MLLT3: variants seen among roughly 807,000 people sequenced by gnomAD.
MLLT3 encodes the protein MLLT3 super elongation complex subunit.
A neutral mutation model predicts 53.2 loss-of-function variants in MLLT3; 4 were observed. The observed-to-expected ratio is 0.08, with a 90% CI of 0.04 to 0.17. MLLT3 has a LOEUF of 0.17. Ranked by LOEUF, MLLT3 falls within the 10% of genes least tolerant of loss-of-function variation. MLLT3 has a pLI of 1.00. For synonymous variants in MLLT3, 283 were observed against 230.6 expected (o/e 1.23, Z -2.06); for missense variants, 569 against 684.0 (o/e 0.83, Z 1.87).
chr9:20,521,414 C>CA (rs748391969), intron 2 of MLLT3, among the ~76,000 whole-genome samples: 11 of 151,500 alleles, frequency 7.3e-5, no homozygotes, highest in African/African-American at 2.2e-4. Context: ...ATTTGTTCCT[C>CA]AAAAAAAGAG....
At chr9:20,371,585 G>A (rs935225589) in intron 5 of MLLT3, among the ~76,000 whole-genome samples, 13 of 152,212 alleles carry the variant, frequency 8.5e-5, no homozygotes, top group Non-Finnish European at 1.9e-4. Context: ...TCTGCCTACA[G>A]CATGGTTTAC....
chr9:20,531,104 G>A (rs1396192436), intron 2 of MLLT3, among the ~76,000 whole-genome samples: 1 of 97,688 alleles, frequency 1.0e-5, no homozygotes, highest in African/African-American at 4.1e-5. Context: ...TTGATACATT[G>A]CCCTTTTTCT....
At position 20,402,930 on chromosome 9, in the gene MLLT3, G is replaced by A. The variant is rs945532039; in HGVS notation, c.1125+10791C>T. On this transcript the variant is annotated intron_variant, in intron 5 of 10. Transcript: ENST00000380338. ...GACCAAGAGGTCACATTGGCCGTAC[G>A]CCTGACAGGCTTAAATAAGTGTGTA... Among the ~76,000 whole-genome samples, 11 of 152,308 alleles carry A rather than the reference G, an allele frequency of 7.2e-5. No individual in the cohort carries two copies. In the East Asian group the frequency reaches 2.1e-3, roughly 29 times the overall value.
chr9:20,365,550 G>A (rs1369925811), intron 6 of MLLT3, 119 bp downstream of exon 6: 11 of 1,145,086 alleles, frequency 9.6e-6, no homozygotes, highest in African/African-American at 4.7e-5. Flanking sequence ...CGGTTTCACC[G>A]TGTTAGCTAG....
chr9:20,356,597 G>T (rs1053792017), intron 8 of MLLT3, among the ~76,000 whole-genome samples: 4 of 152,068 alleles, frequency 2.6e-5, no homozygotes, highest in Non-Finnish European at 5.9e-5. Flanking sequence ...TGCTTGACTT[G>T]TGCATTACAG....
At chr9:20,570,613 C>T (rs1247520613) in intron 2 of MLLT3, among the ~76,000 whole-genome samples, 1 of 152,116 alleles carries the variant, frequency 6.6e-6, no homozygotes, top group Non-Finnish European at 1.5e-5. Context: ...GAATTGTGAA[C>T]CTTACCAATT....
intron 2 of MLLT3, among the ~76,000 whole-genome samples, chr9:20,570,675 C>A (rs1819510691): frequency 6.6e-6 from 1 of 152,112 alleles, no homozygotes; most frequent in East Asian, 1.9e-4. Context: ...TCCAAAGGTC[C>A]AACTTTTATG....
rs751916588 is a variant in MLLT3 at position 20,448,092 on chromosome 9, G to A, written c.420+31C>T. The A allele has an allele frequency of 6.3e-6, 10 of 1,577,628 alleles. No homozygotes were observed. In the African/African-American group the frequency reaches 1.2e-4, roughly 20 times the overall value. ...TTTTTGTTGTTGTTGTTTTTTAATAGGAATGCTTTTCACAAGAGAGTGCCA... is the reference window on the plus strand; with the variant it reads ...TTTTTGTTGTTGTTGTTTTTTAATAAGAATGCTTTTCACAAGAGAGTGCCA... On this transcript the variant is annotated intron_variant, in intron 4 of 10. Coordinates refer to ENST00000380338, the MANE Select transcript of MLLT3 (RefSeq NM_004529.4). This position sits in a 1 kb window ranked among gnomAD's most constrained non-coding sequence, Gnocchi z 4.0.
Position 20,350,603 on chromosome 9 carries a change from A to AAAAAAAAG in MLLT3, c.1575+2921_1575+2922insCTTTTTTT, listed in dbSNP as rs1264140530. On this transcript the variant is annotated intron_variant, in intron 10 of 10. Transcript: ENST00000380338. ...GAGCGAGACTCCGTCTCAAAAAAAG[A>AAAAAAAAG]AAGAAAGAAAAACAGGCAACCAGGT... Among the ~76,000 whole-genome samples, 3 of 151,192 alleles carry AAAAAAAAG rather than the reference A, an allele frequency of 2.0e-5. No individual in the cohort carries two copies. In the East Asian group the frequency reaches 5.9e-4, roughly 30 times the overall value.
chr9:20,534,737 T>A (rs1360242404), intron 2 of MLLT3, among the ~76,000 whole-genome samples: 1 of 151,758 alleles, frequency 6.6e-6, no homozygotes, highest in Non-Finnish European at 1.5e-5. Context: ...ATACAAAAAA[T>A]TAGCTGGGCG....
intron 7 of MLLT3, among the ~76,000 whole-genome samples, chr9:20,361,407 T>C (rs953145643): frequency 2.0e-5 from 3 of 152,170 alleles, no homozygotes; most frequent in African/African-American, 7.2e-5. Flanking sequence ...ATAAAGAATG[T>C]AGAAAACAGC....
At position 20,545,881 on chromosome 9, in the gene MLLT3, A is replaced by G. The variant is rs1005273205; in HGVS notation, c.193+74773T>C. 4.9e-5 allele frequency among the ~76,000 whole-genome samples: 7 copies of G among 142,420 alleles called. No individual in the cohort carries two copies. The South Asian group carries it at 6.9e-4, about 14-fold the overall frequency. The allele number at this position is 142,420 out of a possible 152,430, so 93.4% of individuals were successfully genotyped here. A position where few individuals can be genotyped will look rare whatever the true frequency, so the allele number is the denominator to read the frequency against. On this transcript the variant is annotated intron_variant, in intron 2 of 10. Coordinates refer to ENST00000380338, the MANE Select transcript of MLLT3 (RefSeq NM_004529.4). ...CAAAAAAAAAAAAAAAAAAAAAATT[A>G]AAAATTAGCATCTCCAGTCCCAGCT...
chr9:20,354,799 G>A lies in MLLT3; in HGVS notation c.1503+9C>T, dbSNP rs1433070500. On this transcript the variant is annotated intron_variant, in intron 9 of 10. Coordinates refer to ENST00000380338, the MANE Select transcript of MLLT3 (RefSeq NM_004529.4). Reference sequence around the variant, plus strand: ...TTGGAGCCCTCCTAGTAACAGACTAGAAACCTACCTTGTCACATTCACCAT... The same window carrying A: ...TTGGAGCCCTCCTAGTAACAGACTAAAAACCTACCTTGTCACATTCACCAT... The A allele has an allele frequency of 6.3e-7, 1 of 1,597,730 alleles. No homozygotes were observed. The highest frequency in any genetic ancestry group is 1.7e-5 in the Admixed American group (1 of 59,952).
At chr9:20,407,137 T>C (rs1563953427) in intron 5 of MLLT3, among the ~76,000 whole-genome samples, 4 of 152,230 alleles carry the variant, frequency 2.6e-5, no homozygotes, top group Non-Finnish European at 1.5e-5. Flanking sequence ...GGTTATAACA[T>C]GAATTTACAA....
rs567905467 is a variant in MLLT3 at position 20,538,771 on chromosome 9, C to G, written c.193+81883G>C. 1.1e-3 allele frequency among the ~76,000 whole-genome samples: 161 copies of G among 152,300 alleles called. 2 individuals are homozygous for G. The highest frequency in any genetic ancestry group is 5.0e-3 in the South Asian group (24 of 4,826). ...TAAAACACCAATGTTTTTTAAAAAT[C>G]TGCACAGGCATACCTCAGAGATATT... On this transcript the variant is annotated intron_variant, in intron 2 of 10. Coordinates refer to ENST00000380338, the MANE Select transcript of MLLT3 (RefSeq NM_004529.4).
chr9:20,491,144 A>T (rs1165890648), intron 2 of MLLT3, among the ~76,000 whole-genome samples: 1 of 152,172 alleles, frequency 6.6e-6, no homozygotes, highest in Non-Finnish European at 1.5e-5. Flanking sequence ...AGGAAAAACA[A>T]TATTACTAAA....
chr9:20,521,568 A>C (rs1818059590), intron 2 of MLLT3, among the ~76,000 whole-genome samples: 1 of 152,190 alleles, frequency 6.6e-6, no homozygotes, highest in African/African-American at 2.4e-5. Context: ...ACTCAAACTC[A>C]AGCCTCTATG....
At chr9:20,426,479 T>C (rs1321961291) in intron 4 of MLLT3, among the ~76,000 whole-genome samples, 1 of 152,126 alleles carries the variant, frequency 6.6e-6, no homozygotes, top group East Asian at 1.9e-4. Flanking sequence ...TGAAAAACAG[T>C]ACCTGACACA....
Position 20,343,565 on chromosome 9 carries a change from C to CA in MLLT3, c.*2877dup, listed in dbSNP as rs1342855257. The CA allele has an allele frequency of 8.7e-6, 2 of 229,618 alleles. No individual in the cohort carries two copies. Among genetic ancestry groups the CA allele is most frequent in the Non-Finnish European group, 1.7e-5 (2 of 115,794 alleles). The allele number at this position is 229,618 out of a possible 1,614,324, so 14.2% of individuals were successfully genotyped here. ...ACACATCCTGCTGCAAAACCAGAGGCAAAAGCTAAGTTATAAGGGGGCAGA... is the reference window on the plus strand; with the variant it reads ...ACACATCCTGCTGCAAAACCAGAGGCAAAAAGCTAAGTTATAAGGGGGCAGA... On this transcript the variant is annotated 3_prime_UTR_variant, in exon 11 of 11. Transcript: ENST00000380338.
Sources: gnomAD v4.1 joint callset for allele counts (sites outside exome capture counted in the v4.1 genomes callset) on GRCh38, gnomAD v4.1.1 for gene constraint, Gnocchi (gnomAD v3.1) non-coding constraint, MANE v1.5 for transcripts, NCBI Gene and HGNC (gene_info 2026-07-23, HGNC 2026-07-21) for gene names.